Variants in DMRTA1 observed in about 807,000 individuals in gnomAD.
The protein encoded by DMRTA1 is DMRT like family A1.
Under a neutral mutation model 35.2 loss-of-function variants are expected in DMRTA1, and 34 were observed. The observed-to-expected ratio is 0.97, with a 90% CI of 0.74 to 1.29. The LOEUF (loss-of-function observed/expected upper bound fraction) is 1.29. Among genes scored for constraint, DMRTA1 ranks in the 50% most tolerant of loss-of-function variants. The probability of loss-of-function intolerance (pLI) is 0.00; values close to 1 mark genes in which losing one functional copy is unlikely to be tolerated. For synonymous variants in DMRTA1, 344 were observed against 276.6 expected, an observed-to-expected ratio of 1.24 and a Z score of -2.42; for missense variants, 824 against 644.6, an observed-to-expected ratio of 1.28 and a Z score of -3.01.
In DMRTA1 at chr9:22,451,825, A is replaced by G. The variant is rs1322408719; in HGVS notation, c.1429A>G (p.Met477Val). 7.4e-6 allele frequency: 12 copies of G among 1,614,032 alleles called. No homozygotes were observed. Among genetic ancestry groups the G allele is most frequent in the Non-Finnish European group, 9.3e-6 (11 of 1,179,922 alleles). ...RPALDYAFSG[M>V]IRDSSYLSSK... is the part of the protein sequence containing the mutation. ...AGCTTTGGATTATGCCTTTTCAGGG[A>G]TGATTAGAGATTCTTCCTACCTTTC... Residue 477 changes from methionine (M) to valine (V), a missense_variant, in exon 2 of 2, where the codon ATG (methionine) becomes GTG (valine). By Grantham distance (21) the Met-to-Val change is conservative (BLOSUM62 1). Coordinates refer to ENST00000325870, the MANE Select transcript of DMRTA1 (RefSeq NM_022160.3).
At position 22,453,512 on chromosome 9, in the gene DMRTA1, G is replaced by T. The variant is rs986175832; in HGVS notation, c.*1601G>T. ...TTAATGGTGTGAATATAAGAAAGCA[G>T]ATCTTGAAAAATTTCGATGTACTCA... On this transcript the variant is annotated 3_prime_UTR_variant, in exon 2 of 2. Transcript: ENST00000325870. 1 of 152,024 alleles carries T rather than the reference G, an allele frequency of 6.6e-6. No individual in the cohort carries two copies. The highest frequency in any genetic ancestry group is 1.5e-5 in the Non-Finnish European group (1 of 67,932). 9.4% of individuals were successfully genotyped at this position (152,024 alleles called of 1,614,324 possible).
chr9:22,447,747 G>C lies in DMRTA1; in HGVS notation c.667+15G>C. 1.2e-6 allele frequency: 2 copies of C among 1,613,010 alleles called. No homozygotes were observed. Among genetic ancestry groups the C allele is most frequent in the South Asian group, 1.1e-5 (1 of 90,976 alleles). ...GGAAAAACAAGGTGAGTTGGTCTTT[G>C]ATTTACTCTTTGCTCAAGGAATGGT... On this transcript the variant is annotated intron_variant, in intron 1 of 1. Transcript: ENST00000325870.
rs1355957226 is a variant in DMRTA1 at position 22,455,597 on chromosome 9, C to T, written c.*3686C>T. On this transcript the variant is annotated 3_prime_UTR_variant, in exon 2 of 2. Coordinates refer to ENST00000325870, the MANE Select transcript of DMRTA1 (RefSeq NM_022160.3). ...TGTGGAGCCCAAAGGGCAGCCATCACTAGAGCAGCGTACAGGCTTAGTTCC... is the reference window on the plus strand; with the variant it reads ...TGTGGAGCCCAAAGGGCAGCCATCATTAGAGCAGCGTACAGGCTTAGTTCC... 1.3e-5 allele frequency: 2 copies of T among 152,206 alleles called. No homozygotes were observed. The highest frequency in any genetic ancestry group is 2.9e-5 in the Non-Finnish European group (2 of 68,026). 9.4% of individuals were successfully genotyped at this position (152,206 alleles called of 1,614,324 possible). A position where few individuals can be genotyped will look rare whatever the true frequency, so the allele number is the denominator to read the frequency against.
intron 1 of DMRTA1, among the ~76,000 whole-genome samples, chr9:22,449,728 C>CT (rs1393137087): frequency 1.3e-5 from 2 of 152,006 alleles, no homozygotes; most frequent in Non-Finnish European, 2.9e-5. Flanking sequence ...TAGTGACATT[C>CT]TTTTTTTCAT....
rs1301590307 is a variant in DMRTA1, at chr9:22,453,899, A to T, written c.*1988A>T. ...TGCTCTAAAGGAAGTTACATTATAC[A>T]ATAGAGATATGGTTTAAAAAAAAAT... On this transcript the variant is annotated 3_prime_UTR_variant, in exon 2 of 2. Coordinates refer to ENST00000325870, the MANE Select transcript of DMRTA1 (RefSeq NM_022160.3). The T allele has an allele frequency of 2.0e-5, 3 of 152,088 alleles. No individual in the cohort carries two copies. Among genetic ancestry groups the T allele is most frequent in the Non-Finnish European group, 4.4e-5 (3 of 67,944 alleles). The allele number at this position is 152,088 out of a possible 1,614,324, so 9.4% of individuals were successfully genotyped here. A position where few individuals can be genotyped will look rare whatever the true frequency, so the allele number is the denominator to read the frequency against.
Position 22,452,041 on chromosome 9 carries a change from G to GT in DMRTA1, c.*130_*131insT. 7.4e-6 allele frequency: 7 copies of GT among 945,696 alleles called. No homozygotes were observed. Among genetic ancestry groups the GT allele is most frequent in the South Asian group, 2.0e-5 (1 of 50,288 alleles). 58.6% of individuals were successfully genotyped at this position (945,696 alleles called of 1,614,324 possible). On this transcript the variant is annotated 3_prime_UTR_variant, in exon 2 of 2. Coordinates refer to ENST00000325870, the MANE Select transcript of DMRTA1 (RefSeq NM_022160.3). ...TGGATTATGAGGTCTTAAAATGCTG[G>GT]GTTTTTTTTTTTTCAAGCAATATAA... is the stretch of plus-strand genomic sequence containing the variant.
rs1290815017 is a variant in DMRTA1 at position 22,451,432 on chromosome 9, G to T, written c.1036G>T (p.Glu346Ter). 6.2e-7 allele frequency: 1 copy of T among 1,614,054 alleles called. No individual in the cohort carries two copies. The highest frequency in any genetic ancestry group is 8.5e-7 in the Non-Finnish European group (1 of 1,180,010). ...CCCAAATTACAGGCGCAGCCGGCTA[G>T]AAGGCATTCTACGGTTCTGCAAAGG... Reference protein sequence around the residue: ...IFPNYRRSRLEGILRFCKGDV... With the variant: ...IFPNYRRSRL Residue 346 changes from glutamate (E) to a stop codon, truncating the protein, a stop_gained, in exon 2 of 2, where the codon GAA becomes TAA. Transcript: ENST00000325870. LOFTEE classifies it high-confidence loss of function.
rs1818946554 is a variant in DMRTA1, at chr9:22,452,539, A to G, written c.*628A>G. 6.6e-6 allele frequency: 1 copy of G among 152,210 alleles called. No homozygotes were observed. The highest frequency in any genetic ancestry group is 1.5e-5 in the Non-Finnish European group (1 of 68,040). The allele number at this position is 152,210 out of a possible 1,614,324, so 9.4% of individuals were successfully genotyped here. The stretch of plus-strand genomic sequence containing the variant: ...TCCATGAGTGAAAACAAGTGCCATT[A>G]AAAAACATTTCTCTTTAAAGTTGAC... On this transcript the variant is annotated 3_prime_UTR_variant, in exon 2 of 2. Transcript: ENST00000325870.
intron 1 of DMRTA1, among the ~76,000 whole-genome samples, chr9:22,449,320 T>C (rs573813421): frequency 1.4e-4 from 21 of 152,288 alleles, no homozygotes; most frequent in African/African-American, 4.8e-4. Context: ...AGACTATATG[T>C]ATCCAAAAAC....
Position 22,454,690 on chromosome 9 carries a change from G to A in DMRTA1, c.*2779G>A, listed in dbSNP as rs1818978889. The A allele has an allele frequency of 1.3e-5, 2 of 152,178 alleles. No individual in the cohort carries two copies. The highest frequency in any genetic ancestry group is 2.1e-4 in the South Asian group (1 of 4,834). 9.4% of individuals were successfully genotyped at this position (152,178 alleles called of 1,614,324 possible). On this transcript the variant is annotated 3_prime_UTR_variant, in exon 2 of 2. Coordinates refer to ENST00000325870, the MANE Select transcript of DMRTA1 (RefSeq NM_022160.3). ...GAGGGGGTAAATGCTTTAAGAGCTAGCATATAACAAAAATGAATTGGGTTT... is the reference window on the plus strand; with the variant it reads ...GAGGGGGTAAATGCTTTAAGAGCTAACATATAACAAAAATGAATTGGGTTT...
At position 22,452,915 on chromosome 9, in the gene DMRTA1, G is replaced by T. The variant is rs1323274398; in HGVS notation, c.*1004G>T. 6.6e-6 allele frequency: 1 copy of T among 152,060 alleles called. No homozygotes were observed. Among genetic ancestry groups the T allele is most frequent in the Non-Finnish European group, 1.5e-5 (1 of 67,954 alleles). The allele number at this position is 152,060 out of a possible 1,614,324, so 9.4% of individuals were successfully genotyped here. ...CTCAAATAAATATTTATTAACTGCA[G>T]ATAGTTGATGCTTAATGCACTGAGG... On this transcript the variant is annotated 3_prime_UTR_variant, in exon 2 of 2. Coordinates refer to ENST00000325870, the MANE Select transcript of DMRTA1 (RefSeq NM_022160.3).
At position 22,453,267 on chromosome 9, in the gene DMRTA1, G is replaced by T. The variant is rs1281657965; in HGVS notation, c.*1356G>T. ...TCACTAAAGATTTTTTAAATTATAT[G>T]TATATACGTATGTGTGTATGCATCT... On this transcript the variant is annotated 3_prime_UTR_variant, in exon 2 of 2. Transcript: ENST00000325870. 6.6e-6 allele frequency: 1 copy of T among 152,012 alleles called. No homozygotes were observed. Among genetic ancestry groups the T allele is most frequent in the Non-Finnish European group, 1.5e-5 (1 of 67,932 alleles). 9.4% of individuals were successfully genotyped at this position (152,012 alleles called of 1,614,324 possible).
In DMRTA1 at chr9:22,447,718, C is replaced by A; in HGVS notation, c.653C>A (p.Pro218His). 6.2e-7 allele frequency: 1 copy of A among 1,613,428 alleles called. No homozygotes were observed. The highest frequency in any genetic ancestry group is 2.2e-5 in the East Asian group (1 of 44,858). ...PAFEVFQQDY[P>H]EEKQEQKESK... ...TTCGAAGTTTTCCAGCAAGATTATC[C>A]TGAGGAAAAACAAGGTGAGTTGGTC... Residue 218 changes from proline to histidine, a missense_variant, in exon 1 of 2, where the codon CCT (proline) becomes CAT (histidine). Pro to His is a moderately conservative substitution (Grantham distance 77). Coordinates refer to ENST00000325870, the MANE Select transcript of DMRTA1 (RefSeq NM_022160.3).
Position 22,454,876 on chromosome 9 carries a change from A to C in DMRTA1, c.*2965A>C, listed in dbSNP as rs992648471. On this transcript the variant is annotated 3_prime_UTR_variant, in exon 2 of 2. Transcript: ENST00000325870. ...TCATTGAAAAATGCATGTAGAAAATACCAATCAGAGCCTGATTGATGGGAT... is the reference window on the plus strand; with the variant it reads ...TCATTGAAAAATGCATGTAGAAAATCCCAATCAGAGCCTGATTGATGGGAT... 1 of 152,138 alleles carries C rather than the reference A, an allele frequency of 6.6e-6. No individual in the cohort carries two copies. Among genetic ancestry groups the C allele is most frequent in the African/African-American group, 2.4e-5 (1 of 41,436 alleles). 9.4% of individuals were successfully genotyped at this position (152,138 alleles called of 1,614,324 possible). A position where few individuals can be genotyped will look rare whatever the true frequency, so the allele number is the denominator to read the frequency against.
In DMRTA1 at chr9:22,451,323, C is replaced by G; in HGVS notation, c.927C>G (p.Val309=). 4 of 1,614,020 alleles carry G rather than the reference C, an allele frequency of 2.5e-6. No homozygotes were observed. The highest frequency in any genetic ancestry group is 3.4e-6 in the Non-Finnish European group (4 of 1,179,970). ...DLESGNESEW[V]KDLTATKASL... ...AATCAGGAAATGAAAGTGAATGGGT[C>G]AAAGACTTGACTGCGACCAAGGCAA... Residue 309 remains valine (V), a synonymous_variant, in exon 2 of 2, where the codon GTC becomes GTG. Transcript: ENST00000325870.
Position 22,447,591 on chromosome 9 carries a change from G to T in DMRTA1, c.526G>T (p.Gly176Cys), listed in dbSNP as rs200745233. The part of the protein sequence containing the change: ...WPPGGRASGG[G>C]GRAENPQSTG... ...CCCCGGTGGTCGGGCATCCGGGGGC[G>T]GCGGCAGAGCCGAGAATCCACAGTC... is the stretch of plus-strand genomic sequence containing the variant. Residue 176 changes from glycine (G) to cysteine (C), a missense_variant, in exon 1 of 2, where the codon GGC becomes TGC. Transcript: ENST00000325870. 1.4e-4 allele frequency: 229 copies of T among 1,602,850 alleles called. 1 individual carries two copies. The highest frequency in any genetic ancestry group is 1.1e-3 in the Middle Eastern group (6 of 5,568).
rs985274648 is a variant in DMRTA1 at position 22,447,172 on chromosome 9, C to T, written c.107C>T (p.Pro36Leu). The T allele has an allele frequency of 1.2e-6, 2 of 1,601,598 alleles. No individual in the cohort carries two copies. Among genetic ancestry groups the T allele is most frequent in the Non-Finnish European group, 8.5e-7 (1 of 1,175,540 alleles). The change falls in exon 1 of 2, where the codon CCG (proline) becomes CTG (leucine). Residue 36 changes from proline to leucine, a missense_variant. By Grantham distance (98) the Pro-to-Leu change is moderately conservative. Coordinates refer to ENST00000325870, the MANE Select transcript of DMRTA1 (RefSeq NM_022160.3). ...CCTCCGCCCCCGTCCCCGGCGTTGC[C>T]GGTACCATCGGGGATGCAGGTTCCC... ...AAPPPPSPAL[P>L]VPSGMQVPPA...
chr9:22,451,342 A>T lies in DMRTA1; in HGVS notation c.946A>T (p.Lys316Ter). Reference protein sequence around the residue: ...SEWVKDLTATKASLPTVSSRP... With the variant: ...SEWVKDLTAT ...ATGGGTCAAAGACTTGACTGCGACC[A>T]AGGCAAGCCTTCCGACAGTGTCCTC... Residue 316 changes from lysine (K) to a stop codon, truncating the protein, a stop_gained, in exon 2 of 2, where the codon AAG (lysine) becomes TAG (stop). Transcript: ENST00000325870. LOFTEE classifies it high-confidence loss of function. The T allele has an allele frequency of 7.4e-6, 12 of 1,614,118 alleles. No individual in the cohort carries two copies. Among genetic ancestry groups the T allele is most frequent in the Non-Finnish European group, 9.3e-6 (11 of 1,179,982 alleles).
Position 22,455,187 on chromosome 9 carries a change from T to C in DMRTA1, c.*3276T>C, listed in dbSNP as rs1305819579. ...TTAGTGTAAGGTATATAGGCATGAG[T>C]GGGGCTTAAAGAGGATATGGGAGAA... On this transcript the variant is annotated 3_prime_UTR_variant, in exon 2 of 2. Coordinates refer to ENST00000325870, the MANE Select transcript of DMRTA1 (RefSeq NM_022160.3). 6.6e-6 allele frequency: 1 copy of C among 152,050 alleles called. No individual in the cohort carries two copies. The highest frequency in any genetic ancestry group is 1.5e-5 in the Non-Finnish European group (1 of 67,990). The allele number at this position is 152,050 out of a possible 1,614,324, so 9.4% of individuals were successfully genotyped here. A position where few individuals can be genotyped will look rare whatever the true frequency, so the allele number is the denominator to read the frequency against.
Sources: gnomAD v4.1 joint callset for allele counts (sites outside exome capture counted in the v4.1 genomes callset) on GRCh38, gnomAD v4.1.1 for gene constraint, MANE v1.5 for transcripts, NCBI Gene and HGNC (gene_info 2026-07-23, HGNC 2026-07-21) for gene names.